SCUBE2: variants seen among roughly 807,000 people sequenced by gnomAD.
SCUBE2 encodes signal peptide, CUB domain and EGF like domain containing 2.
In SCUBE2, 114 loss-of-function variants were observed where a neutral mutation model predicts 125.9. The ratio of observed to expected loss-of-function variants is 0.91; its 90% CI spans 0.78 to 1.06. The LOEUF is 1.06. Among genes scored for constraint, SCUBE2 ranks in the 50% least tolerant of loss-of-function variants. The pLI, the probability that SCUBE2 is intolerant of heterozygous loss-of-function variation, is 0.00. For missense variants in SCUBE2, 1,255 were observed against 1,301.8 expected (o/e 0.96, Z 0.55); for synonymous variants, 459 against 492.9 (o/e 0.93, Z 0.91).
intron 21 of SCUBE2, chr11:9,024,352 T>C: frequency 1.6e-6 from 2 of 1,276,984 alleles, no homozygotes; most frequent in Non-Finnish European, 2.0e-6. Flanking sequence ...GGCATTTGGG[T>C]CCACCCCAAG....
chr11:9,025,285 T>A (rs1022741936), intron 21 of SCUBE2, among the ~76,000 whole-genome samples: 40 of 152,236 alleles, frequency 2.6e-4, no homozygotes, highest in African/African-American at 9.6e-4. Flanking sequence ...TAATATTTAC[T>A]GAACAATTGC....
intron 22 of SCUBE2, 43 bp downstream of exon 22, chr11:9,021,833 G>T: frequency 7.0e-7 from 1 of 1,420,366 alleles, no homozygotes; most frequent in Non-Finnish European, 1.0e-6. Context: ...TACTCGGGAA[G>T]CTCTGTGGAT....
chr11:9,052,848 T>C lies in SCUBE2; in HGVS notation c.1448-16A>G, dbSNP rs1405448512. 3 of 1,526,720 alleles carry C rather than the reference T, an allele frequency of 2.0e-6. No individual in the cohort carries two copies. The allele number at this position is 1,526,720 out of a possible 1,614,324, so 94.6% of individuals were successfully genotyped here. Reference sequence around the variant, plus strand: ...CCTTGCAGTCCTGACAGACAGAATGTCAATTGTCAAATGCATAAGCAAGGT... The same window carrying C: ...CCTTGCAGTCCTGACAGACAGAATGCCAATTGTCAAATGCATAAGCAAGGT... On this transcript the variant is annotated splice_polypyrimidine_tract_variant and intron_variant, in intron 12 of 22. Coordinates refer to ENST00000649792, the MANE Select transcript of SCUBE2 (RefSeq NM_001367977.2).
At chr11:9,078,972 AG>A (rs1353684660) in intron 3 of SCUBE2, among the ~76,000 whole-genome samples, 1 of 152,206 alleles carries the variant, frequency 6.6e-6, no homozygotes, top group Non-Finnish European at 1.5e-5. Context: ...CAAGAAAAAA[AG>A]GGGGGTCTAG....
intron 9 of SCUBE2, 112 bp from the exon 10 acceptor site, chr11:9,056,021 G>A (rs1859049133): frequency 2.5e-6 from 2 of 792,938 alleles, no homozygotes; most frequent in Non-Finnish European, 2.2e-6. Context: ...TACACACAGA[G>A]TAAAAAACAT....
At chr11:9,029,473 C>A (rs928922450) in intron 19 of SCUBE2, among the ~76,000 whole-genome samples, 1 of 152,244 alleles carries the variant, frequency 6.6e-6, no homozygotes, top group Non-Finnish European at 1.5e-5. Context: ...CAGAGTCAAT[C>A]GCTCCTTCCT....
intron 10 of SCUBE2, among the ~76,000 whole-genome samples, chr11:9,054,692 A>G (rs1799136646): frequency 8.1e-6 from 1 of 123,822 alleles, no homozygotes; most frequent in South Asian, 3.0e-4. Flanking sequence ...TCAGTAGCAA[A>G]GCACTAGTGT....
chr11:9,066,819 A>G lies in SCUBE2; in HGVS notation c.644-6T>C, dbSNP rs767851089. 1.1e-5 allele frequency: 17 copies of G among 1,607,012 alleles called. No homozygotes were observed. The highest frequency in any genetic ancestry group is 1.4e-5 in the Non-Finnish European group (16 of 1,173,602). ...GTTCCCATGGTTACAGGTCACTGAC[A>G]GCAAAATGAATCAATACATAAAGCA... On this transcript the variant is annotated splice_polypyrimidine_tract_variant and splice_region_variant and intron_variant, in intron 5 of 22. Transcript: ENST00000649792.
chr11:9,090,676 G>A (rs966768665), intron 1 of SCUBE2, among the ~76,000 whole-genome samples: 1 of 151,998 alleles, frequency 6.6e-6, no homozygotes, highest in African/African-American at 2.4e-5. Flanking sequence ...GCGAAGCGGG[G>A]ATGGTGTCCC....
chr11:9,087,123 A>G (rs1862159333), intron 2 of SCUBE2, among the ~76,000 whole-genome samples: 1 of 152,168 alleles, frequency 6.6e-6, no homozygotes, highest in Admixed American at 6.5e-5. Context: ...ATGCCAGTCA[A>G]TCATTAGTTA....
chr11:9,082,069 C>T (rs565311986), intron 2 of SCUBE2, among the ~76,000 whole-genome samples: 29 of 152,168 alleles, frequency 1.9e-4, no homozygotes, highest in Non-Finnish European at 3.5e-4. Flanking sequence ...TTTTGATTTG[C>T]GTTTCCCTAA....
intron 16 of SCUBE2, among the ~76,000 whole-genome samples, chr11:9,046,678 C>T (rs1474474356): frequency 2.0e-5 from 3 of 152,218 alleles, no homozygotes; most frequent in Non-Finnish European, 4.4e-5. Context: ...TAAATGAGAA[C>T]AGATCAACCA....
Position 9,074,575 on chromosome 11 carries a change from A to T in SCUBE2, c.423T>A (p.His141Gln). ...AGCTCCCCATGACGTTGACACAGGT[A>T]TGCTGGCAGCCGCCATTGTTCTCCA... Reference protein sequence around the residue: ...ECLENNGGCQHTCVNVMGSYE... With the variant: ...ECLENNGGCQQTCVNVMGSYE... The change falls in exon 4 of 23, where the codon CAT (histidine) becomes CAA (glutamine). Residue 141 changes from histidine to glutamine, a missense_variant. Physicochemically the swap from His to Gln is conservative, Grantham distance 24 (BLOSUM62 0). This residue lies in a region of SCUBE2 where 362 missense variants were observed against 323.0 expected (regional missense o/e 1.12). Coordinates refer to ENST00000649792, the MANE Select transcript of SCUBE2 (RefSeq NM_001367977.2). 6.2e-7 allele frequency: 1 copy of T among 1,614,230 alleles called. No individual in the cohort carries two copies. The highest frequency in any genetic ancestry group is 1.1e-5 in the South Asian group (1 of 91,088).
At chr11:9,085,844 T>G (rs1031849034) in intron 2 of SCUBE2, among the ~76,000 whole-genome samples, 1 of 151,880 alleles carries the variant, frequency 6.6e-6, no homozygotes, top group Non-Finnish European at 1.5e-5. Context: ...TTTTTTTTTT[T>G]TTTTAAGACA....
At chr11:9,026,820 T>A (rs1052235479) in intron 20 of SCUBE2, 1 of 159,042 alleles carries the variant, frequency 6.3e-6, no homozygotes, top group Admixed American at 6.0e-5. Flanking sequence ...AGAAGACAAG[T>A]GCAGAAAGAT....
At position 9,047,449 on chromosome 11, in the gene SCUBE2, T is replaced by C. The variant is rs375237082; in HGVS notation, c.1909A>G (p.Met637Val). 6.8e-6 allele frequency: 11 copies of C among 1,614,034 alleles called. No homozygotes were observed. In the African/African-American group the frequency reaches 9.3e-5, roughly 14 times the overall value. The change falls in exon 16 of 23, where the codon ATG becomes GTG. Residue 637 changes from methionine (M) to valine (V), a missense_variant. By Grantham distance (21) the Met-to-Val change is conservative. Transcript: ENST00000649792. ...REQFHLQLSG[M>V]NLDVAKKPPR... Reference sequence around the variant, plus strand: ...GGCTTTTTAGCCACGTCGAGGTTCATGCCTGAGAGCTGGAGGTGAAACTGC... The same window carrying C: ...GGCTTTTTAGCCACGTCGAGGTTCACGCCTGAGAGCTGGAGGTGAAACTGC...
intron 7 of SCUBE2, chr11:9,065,120 C>T (rs1420382576): frequency 6.6e-6 from 1 of 152,154 alleles, no homozygotes; most frequent in African/African-American, 2.4e-5. Context: ...ACTGACCACC[C>T]ACTCAGTCCC....
At chr11:9,024,338 G>A in intron 21 of SCUBE2, 1 of 1,272,366 alleles carries the variant, frequency 7.9e-7, no homozygotes, top group Non-Finnish European at 1.0e-6. Context: ...AGAGCCATGT[G>A]GGAGGCATTT....
intron 2 of SCUBE2, among the ~76,000 whole-genome samples, chr11:9,085,501 C>A (rs11827886): frequency 1.9e-3 from 285 of 152,162 alleles, no homozygotes; most frequent in African/African-American, 6.5e-3. Context: ...CCAAGGCAGG[C>A]GGATCATGAG....
Sources: allele counts gnomAD v4.1 joint callset (sites outside exome capture counted in the v4.1 genomes callset), GRCh38; gene constraint gnomAD v4.1.1; regional missense constraint gnomAD v4.1.1; transcripts MANE v1.5; gene names NCBI Gene and HGNC (gene_info 2026-07-23, HGNC 2026-07-21).